The following PRKCE variants were observed in gnomAD, a reference collection of about 807,000 sequenced individuals.
PRKCE encodes protein kinase C epsilon, also known as protein kinase C epsilon type.
In PRKCE, 16 loss-of-function variants were observed where a neutral mutation model predicts 85.4. The ratio of observed to expected loss-of-function variants is 0.19; its 90% CI spans 0.13 to 0.28. The LOEUF (loss-of-function observed/expected upper bound fraction) is 0.28, where lower values mean the gene tolerates loss of function less well. Among genes scored for constraint, PRKCE ranks in the 10% least tolerant of loss-of-function variants. PRKCE has a pLI of 1.00. For missense variants in PRKCE, 573 were observed against 975.2 expected (o/e 0.59, Z 5.49); for synonymous variants, 388 against 371.5 (o/e 1.04, Z -0.51).
At chr2:45,730,926 A>C (rs1681517730) in intron 1 of PRKCE, among the ~76,000 whole-genome samples, 1 of 152,210 alleles carries the variant, frequency 6.6e-6, no homozygotes, top group Non-Finnish European at 1.5e-5. Flanking sequence ...ATACATTTTT[A>C]CCTTTATGGA....
intron 13 of PRKCE, among the ~76,000 whole-genome samples, chr2:46,153,986 C>T (rs1409220253): frequency 6.6e-6 from 1 of 151,952 alleles, no homozygotes; most frequent in Non-Finnish European, 1.5e-5. Context: ...AGGGTTTCAC[C>T]GTGTTAGCCA....
chr2:45,664,009 T>C (rs763865386), intron 1 of PRKCE, among the ~76,000 whole-genome samples: 3 of 152,218 alleles, frequency 2.0e-5, no homozygotes, highest in Non-Finnish European at 4.4e-5. Context: ...AACAAACATA[T>C]ATTGAGTACT....
chr2:45,786,038 C>A lies in PRKCE; in HGVS notation c.349-56962C>A, dbSNP rs556009647. 1.3e-5 allele frequency among the ~76,000 whole-genome samples: 2 copies of A among 152,308 alleles called. No individual in the cohort carries two copies. The highest frequency in any genetic ancestry group is 3.9e-4 in the East Asian group (2 of 5,180). On this transcript the variant is annotated intron_variant, in intron 1 of 14. Coordinates refer to ENST00000306156, the MANE Select transcript of PRKCE (RefSeq NM_005400.3). This position sits in a 1 kb window ranked among gnomAD's most constrained non-coding sequence, Gnocchi z 5.3. ...CGCTGCTGAGGGGTCTAGAGTCTCA[C>A]AGCCCTGCTGGGTCATCGTGGGGGT...
At chr2:46,095,597 A>G (rs1670607172) in intron 11 of PRKCE, among the ~76,000 whole-genome samples, 2 of 152,214 alleles carry the variant, frequency 1.3e-5, no homozygotes, top group Admixed American at 1.3e-4. Context: ...CTTTGGGGAT[A>G]GGAAGATGGA....
chr2:45,871,657 A>C (rs1157967231), intron 2 of PRKCE, among the ~76,000 whole-genome samples: 3 of 152,196 alleles, frequency 2.0e-5, no homozygotes, highest in African/African-American at 7.2e-5. Flanking sequence ...AAGTTTTACA[A>C]ACCCCATCCT....
chr2:45,781,000 G>T (rs1468268947), intron 1 of PRKCE, among the ~76,000 whole-genome samples: 7 of 152,104 alleles, frequency 4.6e-5, no homozygotes, highest in Non-Finnish European at 1.0e-4. Flanking sequence ...TTTACATATT[G>T]TATCACAAGC....
intron 1 of PRKCE, among the ~76,000 whole-genome samples, chr2:45,687,003 G>A (rs1263196118): frequency 6.6e-6 from 1 of 152,114 alleles, no homozygotes; most frequent in Admixed American, 6.6e-5. Flanking sequence ...AAAAGCAATA[G>A]AAGGAAAAGG....
chr2:46,069,486 AG>A (rs1344849359), intron 10 of PRKCE, among the ~76,000 whole-genome samples: 5 of 152,348 alleles, frequency 3.3e-5, no homozygotes, highest in South Asian at 2.1e-4. Flanking sequence ...AGAACATAAA[AG>A]TCATTCATAT....
intron 1 of PRKCE, among the ~76,000 whole-genome samples, chr2:45,730,869 CAG>C (rs1375200336): frequency 2.0e-5 from 3 of 152,172 alleles, no homozygotes; most frequent in Non-Finnish European, 4.4e-5. Context: ...GTCTGCCCGA[CAG>C]ATCATGGGAG....
chr2:45,865,815 C>CTTCTTCTTCTTTTTTTTTT (rs779577778), intron 2 of PRKCE, among the ~76,000 whole-genome samples: 2 of 133,680 alleles, frequency 1.5e-5, no homozygotes, highest in South Asian at 2.7e-4. Flanking sequence ...TCTTCTTCTT[C>CTTCTTCTTCTTTTTTTTTT]TTTTTTTTTT....
intron 2 of PRKCE, among the ~76,000 whole-genome samples, chr2:45,855,914 T>C (rs1692632685): frequency 6.6e-6 from 1 of 152,102 alleles, no homozygotes; most frequent in Non-Finnish European, 1.5e-5. Flanking sequence ...ACCTACCTTC[T>C]GTCTTTGCTT....
chr2:45,972,525 G>T (rs1053700271), intron 2 of PRKCE, among the ~76,000 whole-genome samples: 2 of 152,122 alleles, frequency 1.3e-5, no homozygotes, highest in Admixed American at 6.6e-5. Flanking sequence ...TCATATCTAA[G>T]AAATCATTGC....
chr2:45,753,482 TATC>T (rs139704417), intron 1 of PRKCE, among the ~76,000 whole-genome samples: 6,471 of 152,248 alleles, frequency 0.043, 451 homozygotes, highest in African/African-American at 0.15. Context: ...AAAAAAGTAA[TATC>T]ATATCTTCTT....
At chr2:45,810,642 G>A (rs980216522) in intron 1 of PRKCE, among the ~76,000 whole-genome samples, 2 of 152,126 alleles carry the variant, frequency 1.3e-5, no homozygotes, top group African/African-American at 4.8e-5. Flanking sequence ...GGAGTACAGT[G>A]GCAGAATCTC....
At chr2:45,946,539 C>T (rs894400313) in intron 2 of PRKCE, among the ~76,000 whole-genome samples, 1 of 152,192 alleles carries the variant, frequency 6.6e-6, no homozygotes, top group Non-Finnish European at 1.5e-5. Context: ...CTTGTTCAAA[C>T]AAGGTCAACG....
intron 12 of PRKCE, 78 bp from the exon 13 acceptor site, chr2:46,150,963 C>T: frequency 1.5e-6 from 2 of 1,364,096 alleles, no homozygotes; most frequent in Non-Finnish European, 9.9e-7. Flanking sequence ...TGAAGTCCTT[C>T]CCATGGGCGT....
At chr2:45,806,239 C>T (rs1312102125) in intron 1 of PRKCE, among the ~76,000 whole-genome samples, 1 of 152,068 alleles carries the variant, frequency 6.6e-6, no homozygotes, top group African/African-American at 2.4e-5. Context: ...CCAAAGGGTC[C>T]CATGTGTGTG....
intron 1 of PRKCE, among the ~76,000 whole-genome samples, chr2:45,779,711 C>T (rs1303105167): frequency 2.6e-5 from 4 of 151,694 alleles, no homozygotes; most frequent in African/African-American, 2.4e-5. Flanking sequence ...TTTTCTTTGC[C>T]TGTATATAGA....
At chr2:45,893,945 C>T (rs896914755) in intron 2 of PRKCE, among the ~76,000 whole-genome samples, 1 of 152,096 alleles carries the variant, frequency 6.6e-6, no homozygotes, top group African/African-American at 2.4e-5. Context: ...CTCTCTGTTT[C>T]CGGGCAAGGG....
Sources: allele counts gnomAD v4.1 joint callset (sites outside exome capture counted in the v4.1 genomes callset), GRCh38; gene constraint gnomAD v4.1.1; non-coding constraint Gnocchi (gnomAD v3.1); transcripts MANE v1.5; gene names NCBI Gene and HGNC (gene_info 2026-07-23, HGNC 2026-07-21).